The following NKD1 variants were observed in gnomAD, a reference collection of about 807,000 sequenced individuals.
NKD1 encodes the protein protein naked cuticle homolog 1.
NKD1 carries 21 observed loss-of-function variants against 56.0 expected under a neutral mutation model. The ratio of observed to expected loss-of-function variants is 0.38; its 90% CI spans 0.27 to 0.54. NKD1 has a LOEUF of 0.54. Ranked by LOEUF, NKD1 falls within the 20% of genes least tolerant of loss-of-function variation. The pLI is 0.82. For missense variants in NKD1, 578 were observed against 642.7 expected, an observed-to-expected ratio of 0.90 and a Z score of 1.09; for synonymous variants, 263 against 265.7, an observed-to-expected ratio of 0.99 and a Z score of 0.10.
chr16:50,593,515 G>A (rs1596726947), intron 3 of NKD1, among the ~76,000 whole-genome samples: 2 of 152,304 alleles, frequency 1.3e-5, no homozygotes, highest in Middle Eastern at 3.4e-3. Flanking sequence ...CAGAGAGAAA[G>A]AAGATGTCCT....
At chr16:50,566,647 G>A (rs1960765539) in intron 3 of NKD1, among the ~76,000 whole-genome samples, 1 of 152,250 alleles carries the variant, frequency 6.6e-6, no homozygotes, top group African/African-American at 2.4e-5. Context: ...CTGGTCCCTG[G>A]AATCAGAATC....
At chr16:50,569,428 A>G (rs895355086) in intron 3 of NKD1, among the ~76,000 whole-genome samples, 1 of 152,182 alleles carries the variant, frequency 6.6e-6, no homozygotes, top group African/African-American at 2.4e-5. Context: ...GCTGCCTCCA[A>G]GTTCACTCAC....
At chr16:50,587,633 A>T (rs1347249196) in intron 3 of NKD1, among the ~76,000 whole-genome samples, 1 of 152,204 alleles carries the variant, frequency 6.6e-6, no homozygotes, top group East Asian at 1.9e-4. Flanking sequence ...CTCTGCTTCT[A>T]CAGCTGGGAT....
In NKD1 at chr16:50,630,200, G is replaced by A; in HGVS notation, c.477G>A (p.Leu159=). 3 of 1,614,084 alleles carry A rather than the reference G, an allele frequency of 1.9e-6. No individual in the cohort carries two copies. The highest frequency in any genetic ancestry group is 2.5e-6 in the Non-Finnish European group (3 of 1,180,000). ...CTCCCATTCAGGACATCACCAGCTT[G>A]CTGCACACCATCTATGAGGTGGTGG... is the stretch of plus-strand genomic sequence containing the variant. ...GKVTREDITS[L]LHTIYEVVDS... The change falls in exon 7 of 10, where the codon TTG becomes TTA. Residue 159 remains leucine (L), a synonymous_variant. Coordinates refer to ENST00000268459, the MANE Select transcript of NKD1 (RefSeq NM_033119.5).
At chr16:50,579,265 G>T (rs1342757673) in intron 3 of NKD1, among the ~76,000 whole-genome samples, 1 of 141,320 alleles carries the variant, frequency 7.1e-6, no homozygotes, top group Non-Finnish European at 1.5e-5. Flanking sequence ...CGCTACACAC[G>T]CACTCTAACC....
At chr16:50,615,236 C>T (rs1216870129) in intron 4 of NKD1, among the ~76,000 whole-genome samples, 1 of 152,188 alleles carries the variant, frequency 6.6e-6, no homozygotes, top group Non-Finnish European at 1.5e-5. Flanking sequence ...CTCTTTGTTC[C>T]ACAACTTCTG....
chr16:50,563,609 G>T (rs1178690078), intron 3 of NKD1, among the ~76,000 whole-genome samples: 24 of 137,098 alleles, frequency 1.8e-4, no homozygotes, highest in Middle Eastern at 4.1e-3. Context: ...AGCCCTGGAT[G>T]CATGGAGAAG....
chr16:50,621,691 A>C lies in NKD1; in HGVS notation c.349A>C (p.Lys117Gln). The C allele has an allele frequency of 6.2e-7, 1 of 1,613,668 alleles. No homozygotes were observed. Among genetic ancestry groups the C allele is most frequent in the South Asian group, 1.1e-5 (1 of 90,976 alleles). Residue 117 changes from lysine (K) to glutamine (Q), a missense_variant, in exon 5 of 10, where the codon AAG becomes CAG. Transcript: ENST00000268459. ...RVSEPCPGSK[K>Q]QLKFEELQCD... is the part of the protein sequence containing the mutation. ...GAGCGAACCCTGCCCAGGCTCCAAG[A>C]AGCAGCTGAAGTTTGAAGTAAGTTT...
intron 3 of NKD1, among the ~76,000 whole-genome samples, chr16:50,567,937 A>T (rs968580287): frequency 2.6e-5 from 4 of 152,256 alleles, no homozygotes; most frequent in Admixed American, 2.6e-4. Context: ...TGACTTTCAG[A>T]AAAGGAACCG....
chr16:50,637,552 A>C lies in NKD1; in HGVS notation c.*3771A>C, dbSNP rs990533176. On this transcript the variant is annotated 3_prime_UTR_variant, in exon 10 of 10. Coordinates refer to ENST00000268459, the MANE Select transcript of NKD1 (RefSeq NM_033119.5). ...CACTGTACTCCAGCCTGGGCGACAG[A>C]GTGAGACTCCATCTCAAATAAATAA... 1 of 152,242 alleles carries C rather than the reference A, an allele frequency of 6.6e-6. No individual in the cohort carries two copies. The highest frequency in any genetic ancestry group is 2.4e-5 in the African/African-American group (1 of 41,454). The allele number at this position is 152,242 out of a possible 1,614,324, so 9.4% of individuals were successfully genotyped here.
chr16:50,632,372 G>T lies in NKD1; in HGVS notation c.787G>T (p.Ala263Ser). Residue 263 changes from alanine (A) to serine (S), a missense_variant, in exon 9 of 10, where the codon GCC becomes TCC. Transcript: ENST00000268459. This position sits in a 1 kb window ranked among gnomAD's most constrained non-coding sequence, Gnocchi z 4.1. ...GAGGAGAAACCACTACTTAGATCTC[G>T]CCGGGATAGAAAACTACACGTCCCA... ...IERRNHYLDL[A>S]GIENYTSQFG... is the part of the protein sequence containing the mutation. 1 of 1,614,106 alleles carries T rather than the reference G, an allele frequency of 6.2e-7. No homozygotes were observed. The highest frequency in any genetic ancestry group is 8.5e-7 in the Non-Finnish European group (1 of 1,179,992).
rs1962672547 is a variant in NKD1 at position 50,646,068 on chromosome 16, G to T, written c.*12287G>T. The T allele has an allele frequency of 6.7e-6, 1 of 150,162 alleles. No homozygotes were observed. The highest frequency in any genetic ancestry group is 2.1e-4 in the South Asian group (1 of 4,692). 9.3% of individuals were successfully genotyped at this position (150,162 alleles called of 1,614,324 possible). On this transcript the variant is annotated 3_prime_UTR_variant, in exon 10 of 10. Transcript: ENST00000268459. ...AGACAGCCTGGGACCTTTGAAGTCG[G>T]TCTGGCCCAGTGGGGAGCGGGCTTC... is the stretch of plus-strand genomic sequence containing the variant.
intron 3 of NKD1, among the ~76,000 whole-genome samples, chr16:50,564,226 T>C (rs975051009): frequency 6.6e-5 from 10 of 152,246 alleles, no homozygotes; most frequent in African/African-American, 2.4e-4. Flanking sequence ...TCTAGATGGT[T>C]GGATCAGAGC....
intron 3 of NKD1, among the ~76,000 whole-genome samples, chr16:50,578,046 G>C (rs1961027775): frequency 6.6e-6 from 1 of 152,204 alleles, no homozygotes; most frequent in Non-Finnish European, 1.5e-5. Flanking sequence ...TTGAAGTTTA[G>C]AATTTTATTT....
chr16:50,624,514 T>C (rs1370345004), intron 5 of NKD1, among the ~76,000 whole-genome samples: 2 of 152,244 alleles, frequency 1.3e-5, no homozygotes, highest in East Asian at 3.8e-4. Flanking sequence ...GCTCCAAGCA[T>C]GGGTGTAAAG....
At chr16:50,616,709 G>C (rs1458100016) in intron 4 of NKD1, among the ~76,000 whole-genome samples, 1 of 152,208 alleles carries the variant, frequency 6.6e-6, no homozygotes, top group Non-Finnish European at 1.5e-5. Context: ...GAAGGTCCCA[G>C]ATAGGACTGT....
At position 50,632,992 on chromosome 16, in the gene NKD1, C is replaced by T. The variant is rs1171312210; in HGVS notation, c.824-200C>T. Among the ~76,000 whole-genome samples, 1 of 152,034 alleles carries T rather than the reference C, an allele frequency of 6.6e-6. No individual in the cohort carries two copies. Among genetic ancestry groups the T allele is most frequent in the African/African-American group, 2.4e-5 (1 of 41,374 alleles). ...CTCGGAGAGTATTTTTGAAGACCTA[C>T]CAAAGAACCAGTTCTTCCCACTTAG... On this transcript the variant is annotated intron_variant, in intron 9 of 9. Coordinates refer to ENST00000268459, the MANE Select transcript of NKD1 (RefSeq NM_033119.5). The surrounding 1 kb of genome is among the most constrained non-coding windows in gnomAD (Gnocchi z 4.1).
intron 8 of NKD1, among the ~76,000 whole-genome samples, chr16:50,631,460 A>G (rs755722192): frequency 9.2e-5 from 14 of 152,214 alleles, no homozygotes; most frequent in South Asian, 6.2e-4. Context: ...CACGGCAGGC[A>G]TAAGGCTGTG....
In NKD1 at chr16:50,648,951, A is replaced by G. The variant is rs1962729967; in HGVS notation, c.*15170A>G. ...GTTCCTGAGAACTTAGAGGACCAGGACCTCTATTCCAGGCTTGGACACCTA... is the reference window on the plus strand; with the variant it reads ...GTTCCTGAGAACTTAGAGGACCAGGGCCTCTATTCCAGGCTTGGACACCTA... On this transcript the variant is annotated 3_prime_UTR_variant, in exon 10 of 10. Coordinates refer to ENST00000268459, the MANE Select transcript of NKD1 (RefSeq NM_033119.5). 1 of 152,214 alleles carries G rather than the reference A, an allele frequency of 6.6e-6. No homozygotes were observed. Among genetic ancestry groups the G allele is most frequent in the African/African-American group, 2.4e-5 (1 of 41,450 alleles). The allele number at this position is 152,214 out of a possible 1,614,324, so 9.4% of individuals were successfully genotyped here.
Sources: gnomAD v4.1 joint callset for allele counts (sites outside exome capture counted in the v4.1 genomes callset) on GRCh38, gnomAD v4.1.1 for gene constraint, Gnocchi (gnomAD v3.1) non-coding constraint, MANE v1.5 for transcripts, NCBI Gene and HGNC (gene_info 2026-07-23, HGNC 2026-07-21) for gene names.